Variants in ELOVL2 observed in about 807,000 individuals in gnomAD.
ELOVL2 encodes the protein very long chain fatty acid elongase 2.
A neutral mutation model predicts 37.7 loss-of-function variants in ELOVL2; 38 were observed. That is an observed-to-expected ratio of 1.01 (90% CI 0.78 to 1.32). The LOEUF (loss-of-function observed/expected upper bound fraction) is 1.32, where lower values mean the gene tolerates loss of function less well. Ranked by LOEUF, ELOVL2 falls within the 40% of genes most tolerant of loss-of-function variation. The probability of loss-of-function intolerance (pLI) is 0.00; values close to 1 mark genes in which losing one functional copy is unlikely to be tolerated. For missense variants in ELOVL2, 352 were observed against 363.6 expected (o/e 0.97, Z 0.26); for synonymous variants, 115 against 122.3 (o/e 0.94, Z 0.40).
chr6:11,035,604 T>C (rs1020687346), intron 1 of ELOVL2, among the ~76,000 whole-genome samples: 7 of 152,258 alleles, frequency 4.6e-5, no homozygotes, highest in African/African-American at 1.4e-4. Flanking sequence ...CCTGAACACA[T>C]TCTTGCCATG....
At chr6:11,026,638 C>T (rs532578661) in intron 1 of ELOVL2, among the ~76,000 whole-genome samples, 1 of 152,262 alleles carries the variant, frequency 6.6e-6, no homozygotes, top group Admixed American at 6.5e-5. Flanking sequence ...GAAACTGAAG[C>T]TGTTTTTAGC....
chr6:11,036,599 C>T (rs547190884), intron 1 of ELOVL2, among the ~76,000 whole-genome samples: 41 of 152,292 alleles, frequency 2.7e-4, no homozygotes, highest in African/African-American at 9.6e-4. Context: ...GCACGCTCTT[C>T]AGCATAAATT....
rs1283208164 is a variant in ELOVL2, at chr6:11,005,448, G to C, written c.179C>G (p.Pro60Arg). 1 of 1,613,996 alleles carries C rather than the reference G, an allele frequency of 6.2e-7. No homozygotes were observed. ...GAGGATACCCCTGAGAGAAAGAGCA[G>C]GTCTGTTCTTCATATACTTGTTACC... is the stretch of plus-strand genomic sequence containing the variant. The part of the protein sequence containing the change: ...WLGNKYMKNR[P>R]ALSLRGILTL... Residue 60 changes from proline (P) to arginine (R), a missense_variant, in exon 3 of 8, where the codon CCT (proline) becomes CGT (arginine). By Grantham distance (103) the Pro-to-Arg change is moderately radical. Transcript: ENST00000354666.
chr6:10,985,330 T>C (rs1479114224), intron 7 of ELOVL2, among the ~76,000 whole-genome samples: 1 of 151,936 alleles, frequency 6.6e-6, no homozygotes, highest in African/African-American at 2.4e-5. Flanking sequence ...ACTCTGATGG[T>C]CGTTTCTTTT....
At chr6:10,989,090 G>A (rs1347779821) in intron 7 of ELOVL2, among the ~76,000 whole-genome samples, 1 of 152,114 alleles carries the variant, frequency 6.6e-6, no homozygotes, top group African/African-American at 2.4e-5. Context: ...GTCAGACTTT[G>A]GTAGCATGGT....
Position 10,989,920 on chromosome 6 carries a change from A to T in ELOVL2, c.631-83T>A, listed in dbSNP as rs80250873. 3.2e-3 allele frequency: 4,887 copies of T among 1,507,848 alleles called. 132 individuals are homozygous for T. In the African/African-American group the frequency reaches 0.061, roughly 19 times the overall value. 93.4% of individuals were successfully genotyped at this position (1,507,848 alleles called of 1,614,324 possible). A position where few individuals can be genotyped will look rare whatever the true frequency, so the allele number is the denominator to read the frequency against. On this transcript the variant is annotated intron_variant, in intron 6 of 7. Transcript: ENST00000354666. ...TGCGGCCAAGCTTGATCAATTCAGA[A>T]ATCAACTCCTAGGACTCTTGGAATT...
In ELOVL2 at chr6:11,044,257, C is replaced by G; in HGVS notation, c.-27G>C. On this transcript the variant is annotated 5_prime_UTR_variant, in exon 1 of 8. Transcript: ENST00000354666. The surrounding 1 kb of genome is among the most constrained non-coding windows in gnomAD (Gnocchi z 5.6). ...ATCCGCAGCGGCTGTGGCGCGGCGA[C>G]CCGGGCGGGCGGCGATGCGCTGTCC... 1 of 1,331,336 alleles carries G rather than the reference C, an allele frequency of 7.5e-7. No individual in the cohort carries two copies. Among genetic ancestry groups the G allele is most frequent in the South Asian group, 2.1e-5 (1 of 48,350 alleles). 82.5% of individuals were successfully genotyped at this position (1,331,336 alleles called of 1,614,324 possible).
chr6:10,987,450 A>G (rs1687168059), intron 7 of ELOVL2, among the ~76,000 whole-genome samples: 1 of 152,012 alleles, frequency 6.6e-6, no homozygotes, highest in Non-Finnish European at 1.5e-5. Flanking sequence ...TAGGGTGTCA[A>G]TTTTGGATCT....
In ELOVL2 at chr6:11,044,236, G is replaced by T; in HGVS notation, c.-6C>A. On this transcript the variant is annotated 5_prime_UTR_variant, in exon 1 of 8. Coordinates refer to ENST00000354666, the MANE Select transcript of ELOVL2 (RefSeq NM_017770.4). The surrounding 1 kb of genome is among the most constrained non-coding windows in gnomAD (Gnocchi z 5.6). ...CGCGCGGCCCCACTCACCATGATCCGCAGCGGCTGTGGCGCGGCGACCCGG... is the reference window on the plus strand; with the variant it reads ...CGCGCGGCCCCACTCACCATGATCCTCAGCGGCTGTGGCGCGGCGACCCGG... The T allele has an allele frequency of 7.3e-7, 1 of 1,378,144 alleles. No homozygotes were observed. Among genetic ancestry groups the T allele is most frequent in the Non-Finnish European group, 9.4e-7 (1 of 1,064,694 alleles). The allele number at this position is 1,378,144 out of a possible 1,614,324, so 85.4% of individuals were successfully genotyped here. A position where few individuals can be genotyped will look rare whatever the true frequency, so the allele number is the denominator to read the frequency against.
intron 1 of ELOVL2, among the ~76,000 whole-genome samples, chr6:11,037,260 C>T (rs903865876): frequency 5.3e-5 from 8 of 150,198 alleles, no homozygotes; most frequent in Non-Finnish European, 7.4e-5. Context: ...GAGAGAGAGA[C>T]GGCATGAGTT....
chr6:11,035,195 T>C (rs1581882824), intron 1 of ELOVL2, among the ~76,000 whole-genome samples: 1 of 152,166 alleles, frequency 6.6e-6, no homozygotes, highest in African/African-American at 2.4e-5. Context: ...TGTTCTACAC[T>C]ACATTCCTTC....
intron 1 of ELOVL2, among the ~76,000 whole-genome samples, chr6:11,037,465 C>T (rs945507805): frequency 1.1e-4 from 16 of 151,390 alleles, no homozygotes; most frequent in Non-Finnish European, 8.8e-5. Context: ...TAGTAAATAC[C>T]ATATATGATA....
intron 1 of ELOVL2, among the ~76,000 whole-genome samples, chr6:11,037,327 G>A (rs1783026805): frequency 6.6e-6 from 1 of 151,392 alleles, no homozygotes; most frequent in African/African-American, 2.4e-5. Flanking sequence ...CCCTGCCAAA[G>A]AAAAAAAAGG....
In ELOVL2 at chr6:10,983,900, G is replaced by C. The variant is rs191521211; in HGVS notation, c.772C>G (p.Arg258Gly). 2.5e-6 allele frequency: 4 copies of C among 1,610,530 alleles called. No individual in the cohort carries two copies. Among genetic ancestry groups the C allele is most frequent in the Non-Finnish European group, 2.5e-6 (3 of 1,178,596 alleles). ...ATATCTTTCTTCATTGGCTTTTTTC[G>C]GTATGTCTGTTGGATGTGTATATTT... ...LFLNFYVQTY[R>G]KKPMKKDMQE... The change falls in exon 8 of 8, where the codon CGA becomes GGA. Residue 258 changes from arginine (R) to glycine (G), a missense_variant. Arg to Gly is a moderately radical substitution (Grantham distance 125). Transcript: ENST00000354666.
In ELOVL2 at chr6:10,990,362, G is replaced by A; in HGVS notation, c.586C>T (p.His196Tyr). ...TATTTCTTCCACCAAAGATACTTGT[G>A]CATAGATGGAAACACAGAAAGTCCA... is the stretch of plus-strand genomic sequence containing the variant. ...YYGLSVFPSMHKYLWWKKYLT... is the reference protein window; with the variant it reads ...YYGLSVFPSMYKYLWWKKYLT... Residue 196 changes from histidine (H) to tyrosine (Y), a missense_variant, in exon 6 of 8, where the codon CAC becomes TAC. Transcript: ENST00000354666. 1 of 1,613,052 alleles carries A rather than the reference G, an allele frequency of 6.2e-7. No individual in the cohort carries two copies. The highest frequency in any genetic ancestry group is 8.5e-7 in the Non-Finnish European group (1 of 1,179,590).
At chr6:11,022,933 C>A (rs920055836) in intron 1 of ELOVL2, among the ~76,000 whole-genome samples, 1 of 152,138 alleles carries the variant, frequency 6.6e-6, no homozygotes, top group Non-Finnish European at 1.5e-5. Flanking sequence ...ACATTCTGAT[C>A]TCATTAGAAT....
At position 10,990,386 on chromosome 6, in the gene ELOVL2, C is replaced by T. The variant is rs1178561333; in HGVS notation, c.562G>A (p.Gly188Arg). 6.2e-7 allele frequency: 1 copy of T among 1,612,238 alleles called. No individual in the cohort carries two copies. Among genetic ancestry groups the T allele is most frequent in the African/African-American group, 1.3e-5 (1 of 74,978 alleles). ...FIHILMYSYY[G>R]LSVFPSMHKY... ...TGCATAGATGGAAACACAGAAAGTC[C>T]ATAGTAGGAGTACATAAGAATGTGG... The change falls in exon 6 of 8, where the codon GGA becomes AGA. Residue 188 changes from glycine (G) to arginine (R), a missense_variant. By Grantham distance (125) the Gly-to-Arg change is moderately radical (BLOSUM62 -2). Coordinates refer to ENST00000354666, the MANE Select transcript of ELOVL2 (RefSeq NM_017770.4).
At chr6:11,003,785 A>G (rs1782430698) in intron 3 of ELOVL2, among the ~76,000 whole-genome samples, 1 of 152,194 alleles carries the variant, frequency 6.6e-6, no homozygotes, top group Non-Finnish European at 1.5e-5. Context: ...ATGTGATATA[A>G]TTTTAAGAGT....
chr6:11,007,608 T>C (rs958264429), intron 2 of ELOVL2, among the ~76,000 whole-genome samples: 1 of 152,204 alleles, frequency 6.6e-6, no homozygotes, highest in African/African-American at 2.4e-5. Context: ...ACATTTCTGC[T>C]ATTTAAGCCA....
Sources: allele counts gnomAD v4.1 joint callset (sites outside exome capture counted in the v4.1 genomes callset), GRCh38; gene constraint gnomAD v4.1.1; non-coding constraint Gnocchi (gnomAD v3.1); transcripts MANE v1.5; gene names NCBI Gene and HGNC (gene_info 2026-07-23, HGNC 2026-07-21).